Variants in BCL2L11 observed in about 807,000 individuals in gnomAD.
The protein encoded by BCL2L11 is BCL2 like 11.
In BCL2L11, 15 loss-of-function variants were observed where a neutral mutation model predicts 20.6. The observed-to-expected ratio is 0.73, with a 90% CI of 0.49 to 1.12. BCL2L11 has a LOEUF of 1.12. BCL2L11 is among the 50% of genes most tolerant of loss of function. The pLI is 0.00. For synonymous variants in BCL2L11, 108 were observed against 92.8 expected, an observed-to-expected ratio of 1.16 and a Z score of -0.94; for missense variants, 292 against 260.9, an observed-to-expected ratio of 1.12 and a Z score of -0.82.
In BCL2L11 at chr2:111,123,325, A is replaced by G. The variant is rs1414133662; in HGVS notation, c.-13-408A>G. 7.1e-6 allele frequency: 7 copies of G among 985,520 alleles called. No individual in the cohort carries two copies. The Admixed American group carries it at 2.5e-4, about 35-fold the overall frequency. 61.0% of individuals were successfully genotyped at this position (985,520 alleles called of 1,614,324 possible). A position where few individuals can be genotyped will look rare whatever the true frequency, so the allele number is the denominator to read the frequency against. ...CAGGGAACGCGGCCAGCCGCCTGCA[A>G]TCGCTGCATCTGCGCCCGCTCCTGT... On this transcript the variant is annotated intron_variant, in intron 1 of 3. Coordinates refer to ENST00000393256, the MANE Select transcript of BCL2L11 (RefSeq NM_138621.5).
At chr2:111,123,438 A>G (rs778801252) in intron 1 of BCL2L11, 24 of 985,334 alleles carry the variant, frequency 2.4e-5, no homozygotes, top group Non-Finnish European at 2.9e-5. Flanking sequence ...CAAAGAGCAC[A>G]CACGAATAGA....
intron 2 of BCL2L11, among the ~76,000 whole-genome samples, chr2:111,127,307 G>A (rs1240680138): frequency 6.6e-6 from 1 of 151,934 alleles, no homozygotes; most frequent in Non-Finnish European, 1.5e-5. Flanking sequence ...AATAAGAGTT[G>A]AGAAAAGTCA....
intron 3 of BCL2L11, among the ~76,000 whole-genome samples, chr2:111,153,334 G>A (rs1413538048): frequency 1.3e-5 from 2 of 151,980 alleles, no homozygotes; most frequent in Admixed American, 1.3e-4. Flanking sequence ...AACTGAGATT[G>A]CACCATTGCA....
intron 3 of BCL2L11, among the ~76,000 whole-genome samples, chr2:111,152,975 T>C (rs1332402247): frequency 1.3e-5 from 2 of 152,250 alleles, no homozygotes; most frequent in African/African-American, 4.8e-5. Context: ...TAAAGGACTT[T>C]AGCTTTGTTA....
chr2:111,122,423 C>A (rs1445450264), intron 1 of BCL2L11, among the ~76,000 whole-genome samples: 3 of 152,204 alleles, frequency 2.0e-5, no homozygotes, highest in Non-Finnish European at 4.4e-5. Flanking sequence ...GCAGCCGCCA[C>A]GACCACGGCC....
chr2:111,130,737 T>C (rs1392873023), intron 2 of BCL2L11, among the ~76,000 whole-genome samples: 1 of 152,218 alleles, frequency 6.6e-6, no homozygotes, highest in African/African-American at 2.4e-5. Flanking sequence ...ATGCTAAGTG[T>C]AGGTTTTATA....
chr2:111,137,474 G>T (rs962882112), intron 2 of BCL2L11, among the ~76,000 whole-genome samples: 55 of 152,236 alleles, frequency 3.6e-4, no homozygotes, highest in Admixed American at 3.3e-3. Flanking sequence ...TTGTGCTGGG[G>T]CATCTGACCT....
intron 2 of BCL2L11, among the ~76,000 whole-genome samples, chr2:111,131,081 A>G (rs1183553340): frequency 1.3e-5 from 2 of 152,010 alleles, no homozygotes; most frequent in Non-Finnish European, 2.9e-5. Flanking sequence ...ACTGGTTTTT[A>G]TATCAGAACC....
chr2:111,157,269 TGAG>T (rs1156617765), intron 3 of BCL2L11, among the ~76,000 whole-genome samples: 3 of 152,278 alleles, frequency 2.0e-5, no homozygotes, highest in South Asian at 2.1e-4. Flanking sequence ...TTAAATCTCT[TGAG>T]GAGGAAATGA....
At chr2:111,160,140 C>T (rs2150578022) in intron 3 of BCL2L11, among the ~76,000 whole-genome samples, 1 of 152,320 alleles carries the variant, frequency 6.6e-6, no homozygotes, top group Non-Finnish European at 1.5e-5. Flanking sequence ...TGCCTCTGCC[C>T]AGCTTCTCTC....
Position 111,120,999 on chromosome 2 carries a change from C to T in BCL2L11, c.-203C>T, listed in dbSNP as rs981705162. 4 of 401,860 alleles carry T rather than the reference C, an allele frequency of 1.0e-5. No homozygotes were observed. The highest frequency in any genetic ancestry group is 3.9e-5 in the South Asian group (1 of 25,728). 24.9% of individuals were successfully genotyped at this position (401,860 alleles called of 1,614,324 possible). ...GCCGCTGCCGCCGCCGCCGCCGCCG[C>T]CGCCGCCGCCGCCGCCGCCGCCACT... On this transcript the variant is annotated 5_prime_UTR_variant, in exon 1 of 4. Transcript: ENST00000393256.
At chr2:111,146,911 G>A (rs1452433691) in intron 2 of BCL2L11, among the ~76,000 whole-genome samples, 2 of 152,136 alleles carry the variant, frequency 1.3e-5, no homozygotes, top group Non-Finnish European at 2.9e-5. Flanking sequence ...ATTGCAGGAT[G>A]AGTGTTTGCC....
In BCL2L11 at chr2:111,123,935, C is replaced by T. The variant is rs116642497; in HGVS notation, c.190C>T (p.Leu64=). Residue 64 remains leucine, a synonymous_variant, in exon 2 of 4, where the codon CTG becomes TTG. Coordinates refer to ENST00000393256, the MANE Select transcript of BCL2L11 (RefSeq NM_138621.5). Reference sequence around the variant, plus strand: ...CCCCCACGGCAGCCCTCAGGGCCCGCTGGCCCCACCTGCCAGCCCTGGCCC... The same window carrying T: ...CCCCCACGGCAGCCCTCAGGGCCCGTTGGCCCCACCTGCCAGCCCTGGCCC... ...SCPHGSPQGP[L]APPASPGPFA... 3.1e-6 allele frequency: 5 copies of T among 1,614,084 alleles called. No individual in the cohort carries two copies. Among genetic ancestry groups the T allele is most frequent in the Middle Eastern group, 1.7e-4 (1 of 6,054 alleles).
At chr2:111,137,358 C>G (rs2075076403) in intron 2 of BCL2L11, among the ~76,000 whole-genome samples, 1 of 152,186 alleles carries the variant, frequency 6.6e-6, no homozygotes, top group Non-Finnish European at 1.5e-5. Context: ...TAAGTTGTCT[C>G]CATTCCTTCT....
At chr2:111,134,676 A>T (rs1452120607) in intron 2 of BCL2L11, among the ~76,000 whole-genome samples, 1 of 152,052 alleles carries the variant, frequency 6.6e-6, no homozygotes, top group Non-Finnish European at 1.5e-5. Context: ...TGTTTAGAGA[A>T]CTTCCTTAGT....
chr2:111,147,392 C>A (rs1307476814), intron 2 of BCL2L11, among the ~76,000 whole-genome samples: 4 of 146,564 alleles, frequency 2.7e-5, no homozygotes, highest in Admixed American at 6.8e-5. Flanking sequence ...ACACACACAC[C>A]CGCCATTTCT....
intron 2 of BCL2L11, among the ~76,000 whole-genome samples, chr2:111,137,521 T>A (rs2150371185): frequency 6.6e-6 from 1 of 152,322 alleles, no homozygotes; most frequent in African/African-American, 2.4e-5. Context: ...TCATCACACC[T>A]GTCCTTGGAG....
In BCL2L11 at chr2:111,128,669, G is replaced by A. The variant is rs79700824; in HGVS notation, c.394+4530G>A. 1.8e-3 allele frequency: 2,748 copies of A among 1,547,310 alleles called. 37 individuals are homozygous for A. The African/African-American group carries it at 0.031, about 18-fold the overall frequency. On this transcript the variant is annotated intron_variant, in intron 2 of 3. Transcript: ENST00000393256. ...ATAGGTGATCTTTCACTGTGCTTTG[G>A]ATTTATATTTACTGGCTTAGATTTG...
intron 2 of BCL2L11, among the ~76,000 whole-genome samples, chr2:111,140,973 GGTGTT>G (rs1253047455): frequency 6.6e-6 from 1 of 152,232 alleles, no homozygotes; most frequent in Non-Finnish European, 1.5e-5. Flanking sequence ...CACTGTACAA[GGTGTT>G]GACTCATCTT....
Sources: allele counts gnomAD v4.1 joint callset (sites outside exome capture counted in the v4.1 genomes callset), GRCh38; gene constraint gnomAD v4.1.1; transcripts MANE v1.5; gene names NCBI Gene and HGNC (gene_info 2026-07-23, HGNC 2026-07-21).